Variants in ANKDD1A observed in about 807,000 individuals in gnomAD.
The protein encoded by ANKDD1A is ankyrin repeat and death domain-containing protein 1A.
A neutral mutation model predicts 63.5 loss-of-function variants in ANKDD1A; 59 were observed. The observed-to-expected ratio is 0.93, with a 90% CI of 0.75 to 1.15. The LOEUF is 1.15. Among genes scored for constraint, ANKDD1A ranks in the 50% most tolerant of loss-of-function variants. The pLI is 0.00. For missense variants in ANKDD1A, 632 were observed against 656.4 expected, an observed-to-expected ratio of 0.96 and a Z score of 0.41; for synonymous variants, 266 against 263.9, an observed-to-expected ratio of 1.01 and a Z score of -0.08.
At chr15:64,950,772 G>C in intron 14 of ANKDD1A, 3 of 947,856 alleles carry the variant, frequency 3.2e-6, no homozygotes, top group Non-Finnish European at 3.7e-6. Flanking sequence ...AGGCAAGGTG[G>C]AAAAGCTAAG....
At chr15:64,920,558 T>A (rs900299139) in intron 3 of ANKDD1A, among the ~76,000 whole-genome samples, 5 of 152,136 alleles carry the variant, frequency 3.3e-5, no homozygotes, top group African/African-American at 1.2e-4. Flanking sequence ...GGATATTTAT[T>A]TATTTATTTT....
chr15:64,951,305 CTCT>C (rs1555366870), intron 14 of ANKDD1A: 12 of 759,140 alleles, frequency 1.6e-5, no homozygotes, highest in Middle Eastern at 1.4e-3. Context: ...TCTTCTTCTT[CTCT>C]TCTTCTTCTT....
chr15:64,931,068 C>T, intron 7 of ANKDD1A, 148 bp downstream of exon 7: 1 of 770,720 alleles, frequency 1.3e-6, no homozygotes, highest in Non-Finnish European at 2.1e-6. Context: ...AGACAAGCAG[C>T]AGCACTGAAC....
intron 14 of ANKDD1A, among the ~76,000 whole-genome samples, chr15:64,954,799 GTTC>G (rs892456144): frequency 5.3e-5 from 7 of 132,528 alleles, no homozygotes; most frequent in Admixed American, 2.4e-4. Context: ...CTCCTTAGTT[GTTC>G]TTCTTCCTTG....
rs1294154051 is a variant in ANKDD1A, at chr15:64,926,282, A to C, written c.471+112A>C. The C allele has an allele frequency of 3.7e-6, 4 of 1,079,266 alleles. No homozygotes were observed. In the Admixed American group the frequency reaches 8.7e-5, roughly 23 times the overall value. The allele number at this position is 1,079,266 out of a possible 1,614,324, so 66.9% of individuals were successfully genotyped here. A position where few individuals can be genotyped will look rare whatever the true frequency, so the allele number is the denominator to read the frequency against. On this transcript the variant is annotated intron_variant, in intron 5 of 14. Coordinates refer to ENST00000319580, the MANE Select transcript of ANKDD1A (RefSeq NM_182703.6). ...TGGGTGCATCCTTTGATCTGTGGGC[A>C]TATTGCACCTGGCCTGGGGAGCCGC...
Position 64,949,911 on chromosome 15 carries a change from T to C in ANKDD1A, c.1422T>C (p.Gly474=), listed in dbSNP as rs777222456. 1 of 1,608,460 alleles carries C rather than the reference T, an allele frequency of 6.2e-7. No homozygotes were observed. The highest frequency in any genetic ancestry group is 1.7e-5 in the Admixed American group (1 of 60,022). Residue 474 remains glycine, a synonymous_variant, in exon 14 of 15, where the codon GGT becomes GGC. Transcript: ENST00000319580. ...GGCTGCATGGCGTGGCCACGGCTGG[T>C]GAGAACCCCAGCAAAGCGCTGTTCG... ...LIWLHGVATA[G]ENPSKALFEG...
chr15:64,953,156 T>TTTCTC (rs2085332224), intron 14 of ANKDD1A, among the ~76,000 whole-genome samples: 3 of 3,828 alleles, frequency 7.8e-4, no homozygotes, highest in Non-Finnish European at 6.7e-3. Context: ...TTTTCTCCTT[T>TTTCTC]CTTCTTTCCT....
intron 11 of ANKDD1A, among the ~76,000 whole-genome samples, chr15:64,944,392 GT>G (rs1314965660): frequency 6.6e-6 from 1 of 152,256 alleles, no homozygotes; most frequent in Non-Finnish European, 1.5e-5. Flanking sequence ...TGAGGGCTGA[GT>G]TTCATAAGCT....
intron 3 of ANKDD1A, among the ~76,000 whole-genome samples, chr15:64,917,763 T>G (rs1006572086): frequency 6.6e-6 from 1 of 152,196 alleles, no homozygotes; most frequent in Non-Finnish European, 1.5e-5. Flanking sequence ...CATGATACCA[T>G]GCGAACAGAG....
At chr15:64,943,799 C>A (rs986013927) in intron 11 of ANKDD1A, 11 of 585,284 alleles carry the variant, frequency 1.9e-5, no homozygotes, top group Admixed American at 8.8e-5. Context: ...GGCCCACCCC[C>A]CTCTGGTATA....
Position 64,942,447 on chromosome 15 carries a change from C to T in ANKDD1A, c.868-20C>T. 6.3e-7 allele frequency: 1 copy of T among 1,588,540 alleles called. No individual in the cohort carries two copies. The highest frequency in any genetic ancestry group is 8.6e-7 in the Non-Finnish European group (1 of 1,162,266). ...TCCTGGGAGGGACTGGTCGATTGAT[C>T]CGTGTATCTCCTCCCACAGCAGGGT... is the stretch of plus-strand genomic sequence containing the variant. On this transcript the variant is annotated intron_variant, in intron 9 of 14. Transcript: ENST00000319580.
rs1303203030 is a variant in ANKDD1A at position 64,952,040 on chromosome 15, CTCTTCTT to C, written c.1483+2076_1483+2082del. 9.5e-5 allele frequency among the ~76,000 whole-genome samples: 13 copies of C among 137,470 alleles called. No individual in the cohort carries two copies. The Admixed American group carries it at 9.8e-4, about 10-fold the overall frequency. The allele number at this position is 137,470 out of a possible 152,430, so 90.2% of individuals were successfully genotyped here. ...TCTATCTTCTTTTTCTTCTTCTTTCCTCTTCTTTCTTCTTCTTAGTTCTTCCTTTCTT... is the reference window on the plus strand; with the variant it reads ...TCTATCTTCTTTTTCTTCTTCTTTCCTCTTCTTCTTAGTTCTTCCTTTCTT... On this transcript the variant is annotated intron_variant, in intron 14 of 14. Transcript: ENST00000319580.
In ANKDD1A at chr15:64,949,838, C is replaced by G; in HGVS notation, c.1352-3C>G. 6.2e-7 allele frequency: 1 copy of G among 1,600,856 alleles called. No homozygotes were observed. The stretch of plus-strand genomic sequence containing the variant: ...TCTCTCTCTCCTCCCTCACTGTTCT[C>G]AGGCACCAGGAGCTATCAGGAGCAC... On this transcript the variant is annotated splice_region_variant and splice_polypyrimidine_tract_variant and intron_variant, in intron 13 of 14. Coordinates refer to ENST00000319580, the MANE Select transcript of ANKDD1A (RefSeq NM_182703.6).
Position 64,942,494 on chromosome 15 carries a change from G to T in ANKDD1A, c.895G>T (p.Val299Leu). 1.2e-6 allele frequency: 2 copies of T among 1,613,680 alleles called. No homozygotes were observed. The highest frequency in any genetic ancestry group is 1.7e-6 in the Non-Finnish European group (2 of 1,179,828). The stretch of plus-strand genomic sequence containing the variant: ...GGGTGCCTCTCCTCTGCACCTCGCT[G>T]TGAGGCACAACTTCCCTGCCTTGGT... ...HQGASPLHLA[V>L]RHNFPALVRL... The change falls in exon 10 of 15, where the codon GTG (valine) becomes TTG (leucine). Residue 299 changes from valine (V) to leucine (L), a missense_variant. Val to Leu is a conservative substitution (Grantham distance 32). Coordinates refer to ENST00000319580, the MANE Select transcript of ANKDD1A (RefSeq NM_182703.6).
intron 13 of ANKDD1A, 99 bp from the exon 14 acceptor site, chr15:64,949,742 A>G (rs1358109956): frequency 1.8e-5 from 27 of 1,521,500 alleles, no homozygotes; most frequent in Non-Finnish European, 2.4e-5. Flanking sequence ...CCACCTGGGC[A>G]TGTTCAGGAG....
At chr15:64,924,836 A>T (rs1454659808) in intron 4 of ANKDD1A, among the ~76,000 whole-genome samples, 1 of 152,152 alleles carries the variant, frequency 6.6e-6, no homozygotes, top group African/African-American at 2.4e-5. Context: ...TTCCTCATGA[A>T]AATCATCCGT....
intron 14 of ANKDD1A, among the ~76,000 whole-genome samples, chr15:64,952,536 C>CTCCTTCTCCTCCTCCT (rs1270223943): frequency 1.5e-5 from 1 of 67,706 alleles, no homozygotes; most frequent in Non-Finnish European, 2.9e-5. Flanking sequence ...TCGTCTTCTT[C>CTCCTTCTCCTCCTCCT]TCCTTCTCCT....
At chr15:64,941,303 T>C (rs950584500) in intron 9 of ANKDD1A, among the ~76,000 whole-genome samples, 6 of 152,154 alleles carry the variant, frequency 3.9e-5, no homozygotes, top group Non-Finnish European at 8.8e-5. Flanking sequence ...TCCTAGTCCA[T>C]TTTGTGTTGC....
chr15:64,934,303 C>G, intron 9 of ANKDD1A, 69 bp downstream of exon 9: 2 of 1,420,126 alleles, frequency 1.4e-6, no homozygotes, highest in Non-Finnish European at 1.9e-6. Context: ...TGATGAAGCA[C>G]AGGGAGAAAC....
Sources: allele counts gnomAD v4.1 joint callset (sites outside exome capture counted in the v4.1 genomes callset), GRCh38; gene constraint gnomAD v4.1.1; transcripts MANE v1.5; gene names NCBI Gene and HGNC (gene_info 2026-07-23, HGNC 2026-07-21).